NELL1: variants seen among roughly 807,000 people sequenced by gnomAD.
The protein encoded by NELL1 is neural EGFL like 1.
NELL1 carries 76 observed loss-of-function variants against 107.4 expected under a neutral mutation model. The observed-to-expected ratio is 0.71, with a 90% CI of 0.59 to 0.86. The LOEUF is 0.86. Among genes scored for constraint, NELL1 ranks in the 40% least tolerant of loss-of-function variants. NELL1 has a pLI of 0.00. For synonymous variants in NELL1, 353 were observed against 341.2 expected, an observed-to-expected ratio of 1.03 and a Z score of -0.38; for missense variants, 1,024 against 1,005.5, an observed-to-expected ratio of 1.02 and a Z score of -0.25.
intron 15 of NELL1, among the ~76,000 whole-genome samples, chr11:21,490,709 G>T (rs187873456): frequency 6.6e-6 from 1 of 151,848 alleles, no homozygotes; most frequent in Non-Finnish European, 1.5e-5. Flanking sequence ...AAAGAACACG[G>T]TCCTCAATAA....
chr11:21,321,748 TTTTC>T lies in NELL1; in HGVS notation c.1550-49101_1550-49098del, dbSNP rs568118956. ...TGATAAGTGGCAGAACCAGGACTCC[TTTTC>T]TTTATCTTCTTTCTTTGAACAAACA... On this transcript the variant is annotated intron_variant, in intron 14 of 19. Coordinates refer to ENST00000357134, the MANE Select transcript of NELL1 (RefSeq NM_006157.5). Among the ~76,000 whole-genome samples, 194 of 152,296 alleles carry T rather than the reference TTTTC, an allele frequency of 1.3e-3. 1 individual carries two copies. The highest frequency in any genetic ancestry group is 4.3e-3 in the African/African-American group (180 of 41,572).
At chr11:21,543,131 C>A (rs1293540747) in intron 16 of NELL1, among the ~76,000 whole-genome samples, 2 of 151,906 alleles carry the variant, frequency 1.3e-5, no homozygotes, top group African/African-American at 4.8e-5. Context: ...GATTTTCTCT[C>A]TATGCTAAAC....
At chr11:21,358,642 C>G (rs189796791) in intron 14 of NELL1, among the ~76,000 whole-genome samples, 98 of 141,616 alleles carry the variant, frequency 6.9e-4, no homozygotes, top group African/African-American at 2.5e-3. Flanking sequence ...GTCTTGAACT[C>G]CTGACCTCGG....
intron 15 of NELL1, among the ~76,000 whole-genome samples, chr11:21,467,628 T>C (rs1854065615): frequency 6.6e-6 from 1 of 152,118 alleles, no homozygotes; most frequent in African/African-American, 2.4e-5. Context: ...ATGCATTATT[T>C]TAATATAAAT....
At chr11:20,773,632 G>A (rs1010398927) in intron 2 of NELL1, 1 of 151,872 alleles carries the variant, frequency 6.6e-6, no homozygotes, top group Non-Finnish European at 1.5e-5. Context: ...CAAGTTGCTG[G>A]GATTACAGGT....
At chr11:20,847,518 G>A in intron 3 of NELL1, 65 bp from the exon 4 acceptor site, 2 of 1,515,064 alleles carry the variant, frequency 1.3e-6, no homozygotes, top group Admixed American at 1.9e-5. Flanking sequence ...AAGGGGTTGA[G>A]GGATTGATGA....
chr11:21,012,591 G>T (rs968514983), intron 12 of NELL1, among the ~76,000 whole-genome samples: 1 of 152,072 alleles, frequency 6.6e-6, no homozygotes, highest in Non-Finnish European at 1.5e-5. Context: ...CATACAGTTC[G>T]CTAAAAATGA....
intron 16 of NELL1, among the ~76,000 whole-genome samples, chr11:21,537,054 T>C (rs1265796635): frequency 1.3e-5 from 2 of 152,148 alleles, no homozygotes; most frequent in Non-Finnish European, 2.9e-5. Context: ...ATTAGTGGCA[T>C]TTTTAATTTG....
chr11:20,713,340 G>A (rs1034128474), intron 2 of NELL1, among the ~76,000 whole-genome samples: 1 of 152,166 alleles, frequency 6.6e-6, no homozygotes, highest in South Asian at 2.1e-4. Flanking sequence ...GCTTGCTGCA[G>A]CCACTGTGAG....
chr11:21,276,256 AACAG>A (rs890394048), intron 14 of NELL1, among the ~76,000 whole-genome samples: 364 of 151,846 alleles, frequency 2.4e-3, no homozygotes, highest in African/African-American at 8.0e-3. Flanking sequence ...ATACACCAAT[AACAG>A]ACAGAGAGCC....
chr11:21,535,180 G>A (rs1856103658), intron 16 of NELL1, among the ~76,000 whole-genome samples: 1 of 152,114 alleles, frequency 6.6e-6, no homozygotes, highest in Non-Finnish European at 1.5e-5. Flanking sequence ...ATTAGCAGAT[G>A]GAGTTATTCA....
chr11:20,866,421 A>G (rs1255710469), intron 4 of NELL1, among the ~76,000 whole-genome samples: 2 of 152,150 alleles, frequency 1.3e-5, no homozygotes, highest in Admixed American at 6.5e-5. Context: ...ATGACATTAG[A>G]CTCTGGTAAG....
intron 2 of NELL1, among the ~76,000 whole-genome samples, chr11:20,686,622 A>G (rs979217677): frequency 6.6e-6 from 1 of 152,150 alleles, no homozygotes. Flanking sequence ...GTAGCTTGGC[A>G]TTTGCCTTGT....
At chr11:21,507,635 G>A (rs949431481) in intron 15 of NELL1, among the ~76,000 whole-genome samples, 3 of 151,502 alleles carry the variant, frequency 2.0e-5, no homozygotes, top group African/African-American at 7.3e-5. Context: ...GCAAAGCATA[G>A]AATGTATGCA....
chr11:20,888,440 C>A (rs1849554108), intron 5 of NELL1, among the ~76,000 whole-genome samples: 1 of 149,018 alleles, frequency 6.7e-6, no homozygotes, highest in African/African-American at 2.5e-5. Flanking sequence ...TTATAATATA[C>A]ATATATTTAA....
chr11:20,947,372 C>T lies in NELL1; in HGVS notation c.1108C>T (p.Pro370Ser). The T allele has an allele frequency of 1.2e-5, 19 of 1,614,056 alleles. No homozygotes were observed. Among genetic ancestry groups the T allele is most frequent in the Non-Finnish European group, 1.5e-5 (18 of 1,179,958 alleles). The change falls in exon 11 of 20, where the codon CCT becomes TCT. Residue 370 changes from proline to serine, a missense_variant. By Grantham distance (74) the Pro-to-Ser change is moderately conservative. Coordinates refer to ENST00000357134, the MANE Select transcript of NELL1 (RefSeq NM_006157.5). ...AGTAAAAATTACAGAAATGTGTCCT[C>T]CTTTGAACTGCTCAGAAAAGGATCA... ...VLVKITEMCP[P>S]LNCSEKDHIL...
In NELL1 at chr11:21,008,397, C is replaced by T. The variant is rs1314088470; in HGVS notation, c.1300+47837C>T. 2.0e-5 allele frequency among the ~76,000 whole-genome samples: 3 copies of T among 152,168 alleles called. No individual in the cohort carries two copies. The South Asian group carries it at 6.2e-4, about 32-fold the overall frequency. On this transcript the variant is annotated intron_variant, in intron 12 of 19. Transcript: ENST00000357134. ...CTAAAATATCTAAGTATTTTGTCTGCATGATTCTAAGTAAAGGGATACTAG... is the reference window on the plus strand; with the variant it reads ...CTAAAATATCTAAGTATTTTGTCTGTATGATTCTAAGTAAAGGGATACTAG...
In NELL1 at chr11:20,751,756, T is replaced by C. The variant is rs113316638; in HGVS notation, c.185-31924T>C. On this transcript the variant is annotated intron_variant, in intron 2 of 19. Transcript: ENST00000357134. Reference sequence around the variant, plus strand: ...CCTCCTGCCTCAGCCTTCTGAGTCATTGGGATTACAGACGTTAATCACCAT... The same window carrying C: ...CCTCCTGCCTCAGCCTTCTGAGTCACTGGGATTACAGACGTTAATCACCAT... 5.3e-3 allele frequency among the ~76,000 whole-genome samples: 801 copies of C among 152,328 alleles called. 8 individuals carry two copies. The highest frequency in any genetic ancestry group is 0.018 in the African/African-American group (769 of 41,572).
chr11:21,220,112 G>T (rs549858406), intron 13 of NELL1, among the ~76,000 whole-genome samples: 1 of 151,740 alleles, frequency 6.6e-6, no homozygotes, highest in South Asian at 2.1e-4. Flanking sequence ...CCAACACTGA[G>T]GTTTACAATT....
Sources: allele counts gnomAD v4.1 joint callset (sites outside exome capture counted in the v4.1 genomes callset), GRCh38; gene constraint gnomAD v4.1.1; transcripts MANE v1.5; gene names NCBI Gene and HGNC (gene_info 2026-07-23, HGNC 2026-07-21).